ARHGAP22: variants seen among roughly 807,000 people sequenced by gnomAD.
ARHGAP22 encodes rho GTPase-activating protein 22.
Under a neutral mutation model 59.1 loss-of-function variants are expected in ARHGAP22, and 48 were observed. That is an observed-to-expected ratio of 0.81 (90% CI 0.64 to 1.03). ARHGAP22 has a LOEUF of 1.03. ARHGAP22 is among the 50% of genes least tolerant of loss of function. The pLI, the probability that ARHGAP22 is intolerant of heterozygous loss-of-function variation, is 0.00. For synonymous variants in ARHGAP22, 445 were observed against 416.4 expected (o/e 1.07, Z -0.84); for missense variants, 1,015 against 958.7 (o/e 1.06, Z -0.78).
chr10:48,586,165 C>A (rs2059414164), intron 1 of ARHGAP22, among the ~76,000 whole-genome samples: 1 of 152,134 alleles, frequency 6.6e-6, no homozygotes, highest in South Asian at 2.1e-4. Context: ...TAGATTCTCA[C>A]ATTGATGGGT....
intron 1 of ARHGAP22, among the ~76,000 whole-genome samples, chr10:48,647,710 C>T (rs2062368465): frequency 1.3e-5 from 2 of 152,078 alleles, no homozygotes; most frequent in South Asian, 4.2e-4. Context: ...AAATGAAAGC[C>T]GTGTGTTCAC....
Position 48,450,597 on chromosome 10 carries a change from G to A in ARHGAP22, c.1532C>T (p.Ala511Val). Reference sequence around the variant, plus strand: ...CTCGCTGGACGAGGCCCCGGACCACGCCATACTGGCCACGCTGGGTATGCC... The same window carrying A: ...CTCGCTGGACGAGGCCCCGGACCACACCATACTGGCCACGCTGGGTATGCC... ...VPGIPSVASMAWSGASSSESS... is the reference protein window; with the variant it reads ...VPGIPSVASMVWSGASSSESS... The change falls in exon 9 of 10, where the codon GCG becomes GTG. Residue 511 changes from alanine to valine, a missense_variant. By Grantham distance (64) the Ala-to-Val change is moderately conservative (BLOSUM62 0). Transcript: ENST00000249601. 6 of 1,546,352 alleles carry A rather than the reference G, an allele frequency of 3.9e-6. No homozygotes were observed. The highest frequency in any genetic ancestry group is 4.4e-6 in the Non-Finnish European group (5 of 1,146,460).
chr10:48,644,638 A>T (rs113914181), intron 1 of ARHGAP22, among the ~76,000 whole-genome samples: 128 of 152,332 alleles, frequency 8.4e-4, no homozygotes, highest in African/African-American at 3.0e-3. Context: ...GGAAACCCTC[A>T]AATATTTGGA....
chr10:48,451,676 C>G, intron 8 of ARHGAP22: 1 of 622,612 alleles, frequency 1.6e-6, no homozygotes, highest in South Asian at 1.8e-5. Context: ...ATACCCCCCA[C>G]AATCACACGT....
At chr10:48,603,112 G>A (rs1387740317) in intron 1 of ARHGAP22, among the ~76,000 whole-genome samples, 1 of 152,226 alleles carries the variant, frequency 6.6e-6, no homozygotes, top group East Asian at 1.9e-4. Context: ...CTAGATGCCA[G>A]TAGCACCCCT....
rs115512756 is a variant in ARHGAP22, at chr10:48,488,614, C to T, written c.323-8850G>A. Among the ~76,000 whole-genome samples, 310 of 152,338 alleles carry T rather than the reference C, an allele frequency of 2.0e-3. 1 individual carries two copies. The highest frequency in any genetic ancestry group is 6.9e-3 in the African/African-American group (288 of 41,572). ...GTACAGAGCTAATTATTTCCCACTA[C>T]TGAGGGAAAACCCTTCTGTATATTC... On this transcript the variant is annotated intron_variant, in intron 3 of 9. Transcript: ENST00000249601.
intron 1 of ARHGAP22, among the ~76,000 whole-genome samples, chr10:48,616,061 C>T (rs572650112): frequency 1.3e-3 from 199 of 151,980 alleles, no homozygotes; most frequent in African/African-American, 4.5e-3. Flanking sequence ...TATTGTGCTT[C>T]ACTTTATTCC....
intron 3 of ARHGAP22, among the ~76,000 whole-genome samples, chr10:48,534,495 G>T (rs113600889): frequency 0.023 from 3,496 of 152,310 alleles, 58 homozygotes; most frequent in Non-Finnish European, 0.03. Flanking sequence ...AGCTCCCAAA[G>T]GGGACAGGTA....
chr10:48,591,866 C>T (rs1041667755), intron 1 of ARHGAP22, among the ~76,000 whole-genome samples: 1 of 151,808 alleles, frequency 6.6e-6, no homozygotes, highest in Non-Finnish European at 1.5e-5. Flanking sequence ...AGAGCAAGAC[C>T]CTGTCTAAAA....
At chr10:48,643,761 AAAAATAT>A (rs1187934899) in intron 1 of ARHGAP22, among the ~76,000 whole-genome samples, 1 of 144,524 alleles carries the variant, frequency 6.9e-6, no homozygotes, top group Non-Finnish European at 1.5e-5. Flanking sequence ...TTAAAAAAAA[AAAAATAT>A]ATATATATAT....
intron 9 of ARHGAP22, among the ~76,000 whole-genome samples, chr10:48,450,005 G>A (rs1439729033): frequency 6.6e-6 from 1 of 152,266 alleles, no homozygotes; most frequent in Non-Finnish European, 1.5e-5. Context: ...CCGGCAGGCT[G>A]GGCAGGCATT....
chr10:48,488,420 T>C (rs1006712273), intron 3 of ARHGAP22, among the ~76,000 whole-genome samples: 2 of 152,246 alleles, frequency 1.3e-5, no homozygotes, highest in African/African-American at 4.8e-5. Context: ...TCCTGTTATT[T>C]CTAATTAGTT....
chr10:48,465,643 A>T (rs1438257453), intron 4 of ARHGAP22, among the ~76,000 whole-genome samples: 2 of 152,196 alleles, frequency 1.3e-5, no homozygotes, highest in African/African-American at 4.8e-5. Flanking sequence ...CTTGGAGCTG[A>T]TCCCGGAGCA....
chr10:48,645,250 C>T (rs116208314), intron 1 of ARHGAP22, among the ~76,000 whole-genome samples: 1 of 152,304 alleles, frequency 6.6e-6, no homozygotes, highest in African/African-American at 2.4e-5. Context: ...TGAGAGAACA[C>T]TTCCCAACTC....
chr10:48,652,443 T>C (rs2062605471), exon 1 of ARHGAP22: 1 of 668,604 alleles, frequency 1.5e-6, no homozygotes, highest in African/African-American at 1.8e-5. Context: ...TGGTATTTTC[T>C]TGGATTTTAA....
chr10:48,507,537 G>T (rs1589822283), intron 3 of ARHGAP22, among the ~76,000 whole-genome samples: 1 of 152,278 alleles, frequency 6.6e-6, no homozygotes, highest in East Asian at 1.9e-4. Flanking sequence ...GAAAGGGTGA[G>T]CAACATCAAC....
At chr10:48,541,812 T>C (rs186434224) in intron 3 of ARHGAP22, among the ~76,000 whole-genome samples, 3 of 152,346 alleles carry the variant, frequency 2.0e-5, no homozygotes, top group East Asian at 1.9e-4. Context: ...GATCACCTAA[T>C]TGGGACCCTG....
At chr10:48,471,364 G>C (rs2048210519) in intron 4 of ARHGAP22, among the ~76,000 whole-genome samples, 2 of 152,242 alleles carry the variant, frequency 1.3e-5, no homozygotes, top group African/African-American at 4.8e-5. Flanking sequence ...GCTGCCACTG[G>C]TAAGGTTGGG....
chr10:48,530,222 G>C (rs892921497), intron 3 of ARHGAP22, among the ~76,000 whole-genome samples: 1 of 117,242 alleles, frequency 8.5e-6, no homozygotes, highest in African/African-American at 3.4e-5. Flanking sequence ...GGGAGGCAGA[G>C]TGAGACTCCA....
Sources: gnomAD v4.1 joint callset for allele counts (sites outside exome capture counted in the v4.1 genomes callset) on GRCh38, gnomAD v4.1.1 for gene constraint, MANE v1.5 for transcripts, NCBI Gene and HGNC (gene_info 2026-07-23, HGNC 2026-07-21) for gene names.